Variants in PEBP4 observed in about 807,000 individuals in gnomAD.
The protein encoded by PEBP4 is phosphatidylethanolamine-binding protein 4.
A neutral mutation model predicts 23.9 loss-of-function variants in PEBP4; 22 were observed. The ratio of observed to expected loss-of-function variants is 0.92; its 90% CI spans 0.66 to 1.31. PEBP4 has a LOEUF of 1.31. Among genes scored for constraint, PEBP4 ranks in the 40% most tolerant of loss-of-function variants. The pLI, the probability that PEBP4 is intolerant of heterozygous loss-of-function variation, is 0.00. For missense variants in PEBP4, 324 were observed against 281.7 expected (o/e 1.15, Z -1.07); for synonymous variants, 112 against 99.3 (o/e 1.13, Z -0.76).
At chr8:22,917,155 A>G (rs2466213) in intron 3 of PEBP4, among the ~76,000 whole-genome samples, 1 of 149,306 alleles carries the variant, frequency 6.7e-6, no homozygotes, top group Non-Finnish European at 1.5e-5. Context: ...GGCATGTCCA[A>G]TGGCAGTCAC....
chr8:22,811,635 G>A (rs1019455581), intron 4 of PEBP4, among the ~76,000 whole-genome samples: 8 of 152,238 alleles, frequency 5.3e-5, no homozygotes, highest in Non-Finnish European at 1.2e-4. Context: ...TCACACCTGG[G>A]CTGTGGCCTG....
rs191559584 is a variant in PEBP4 at position 22,774,678 on chromosome 8, G to A, written c.357+42959C>T. The stretch of plus-strand genomic sequence containing the variant: ...TGTCAAGGTCATGACATGAGGCTTC[G>A]GGGACTCTCATTTTGGAGGTGCAGA... On this transcript the variant is annotated intron_variant, in intron 4 of 6. Coordinates refer to ENST00000256404, the MANE Select transcript of PEBP4 (RefSeq NM_144962.3). Among the ~76,000 whole-genome samples the A allele has an allele frequency of 1.8e-4, 27 of 152,268 alleles. No homozygotes were observed. In the East Asian group the frequency reaches 1.9e-3, roughly 11 times the overall value.
At chr8:22,831,750 C>T (rs1585297018) in intron 3 of PEBP4, among the ~76,000 whole-genome samples, 3 of 152,226 alleles carry the variant, frequency 2.0e-5, no homozygotes, top group Non-Finnish European at 4.4e-5. Flanking sequence ...CTGAGCTGGT[C>T]CTGAGGAGTG....
intron 4 of PEBP4, among the ~76,000 whole-genome samples, chr8:22,788,288 A>G (rs1443414836): frequency 6.6e-6 from 1 of 152,128 alleles, no homozygotes; most frequent in East Asian, 1.9e-4. Context: ...GCATGTTTCC[A>G]TCAGAAAGTG....
At chr8:22,817,027 A>G (rs1280692179) in intron 4 of PEBP4, among the ~76,000 whole-genome samples, 3 of 152,242 alleles carry the variant, frequency 2.0e-5, no homozygotes, top group Non-Finnish European at 4.4e-5. Flanking sequence ...TAATGGCACA[A>G]ACAAGCCACC....
intron 4 of PEBP4, among the ~76,000 whole-genome samples, chr8:22,734,827 G>A (rs923730865): frequency 2.6e-5 from 4 of 152,142 alleles, no homozygotes; most frequent in African/African-American, 9.7e-5. Context: ...ATCAATGTGC[G>A]GTTGTGGGAG....
intron 1 of PEBP4, among the ~76,000 whole-genome samples, chr8:22,935,149 CTT>C (rs1809516924): frequency 6.6e-6 from 1 of 152,160 alleles, no homozygotes; most frequent in Non-Finnish European, 1.5e-5. Context: ...AAATAGGTAG[CTT>C]AACAACAGTA....
At chr8:22,911,958 G>A (rs544974455) in intron 3 of PEBP4, among the ~76,000 whole-genome samples, 59 of 152,272 alleles carry the variant, frequency 3.9e-4, no homozygotes, top group African/African-American at 6.5e-4. Context: ...GGATGTCAGC[G>A]GCCCAATCGC....
At chr8:22,845,151 A>G (rs58667225) in intron 3 of PEBP4, among the ~76,000 whole-genome samples, 2,695 of 152,266 alleles carry the variant, frequency 0.018, 84 homozygotes, top group African/African-American at 0.061. Context: ...CTAGTCCTTG[A>G]AGGATGAAGG....
intron 2 of PEBP4, among the ~76,000 whole-genome samples, chr8:22,920,682 G>T (rs1229605326): frequency 6.6e-6 from 1 of 152,170 alleles, no homozygotes; most frequent in Non-Finnish European, 1.5e-5. Context: ...GTAGGATTGA[G>T]TTTATAAAAA....
rs192116073 is a variant in PEBP4, at chr8:22,905,953, G to A, written c.258+14231C>T. Among the ~76,000 whole-genome samples the A allele has an allele frequency of 1.4e-4, 22 of 152,306 alleles. No individual in the cohort carries two copies. The South Asian group carries it at 2.3e-3, about 16-fold the overall frequency. On this transcript the variant is annotated intron_variant, in intron 3 of 6. Coordinates refer to ENST00000256404, the MANE Select transcript of PEBP4 (RefSeq NM_144962.3). Reference sequence around the variant, plus strand: ...TGGCAAGTTGCTTCACTCTTAGCACGTTAGAAATCAAGGAATCCAATTCCA... The same window carrying A: ...TGGCAAGTTGCTTCACTCTTAGCACATTAGAAATCAAGGAATCCAATTCCA...
chr8:22,758,177 C>T (rs1028626350), intron 4 of PEBP4: 10 of 152,208 alleles, frequency 6.6e-5, no homozygotes, highest in Non-Finnish European at 1.2e-4. Context: ...CTCTACTAAA[C>T]GCTATTTTGA....
intron 4 of PEBP4, chr8:22,757,289 C>T (rs370208614): frequency 3.9e-5 from 6 of 152,360 alleles, no homozygotes; most frequent in Admixed American, 2.6e-4. Flanking sequence ...CACGGTGACT[C>T]GGAGGCCCAA....
chr8:22,781,334 A>T (rs1426022349), intron 4 of PEBP4, among the ~76,000 whole-genome samples: 1 of 151,888 alleles, frequency 6.6e-6, no homozygotes, highest in Admixed American at 6.6e-5. Flanking sequence ...CTCCCGAGGC[A>T]GCAGGCACCG....
intron 4 of PEBP4, among the ~76,000 whole-genome samples, chr8:22,778,006 C>T (rs1805848505): frequency 6.6e-6 from 1 of 152,166 alleles, no homozygotes; most frequent in Admixed American, 6.5e-5. Context: ...GAGGGGGAAA[C>T]AGAGTCCCAC....
chr8:22,722,823 A>G (rs1161926820), intron 6 of PEBP4, among the ~76,000 whole-genome samples: 1 of 150,232 alleles, frequency 6.7e-6, no homozygotes, highest in Non-Finnish European at 1.5e-5. Context: ...CCCAGGCTGG[A>G]GTGTAGTGGC....
intron 3 of PEBP4, among the ~76,000 whole-genome samples, chr8:22,832,041 G>A (rs1007163497): frequency 9.2e-5 from 14 of 152,140 alleles, no homozygotes; most frequent in African/African-American, 3.4e-4. Flanking sequence ...GATGTGGTGG[G>A]GGTGGATAAG....
Position 22,727,239 on chromosome 8 carries a change from A to T in PEBP4, c.358-19T>A. 6.2e-7 allele frequency: 1 copy of T among 1,612,606 alleles called. No individual in the cohort carries two copies. The highest frequency in any genetic ancestry group is 8.5e-7 in the Non-Finnish European group (1 of 1,179,538). On this transcript the variant is annotated intron_variant, in intron 4 of 6. Transcript: ENST00000256404. ...CGGCGCCCTGAAAGAAGAGACAAGCAGGGCTGTAGGTTATGTCTTGGGCAC... is the reference window on the plus strand; with the variant it reads ...CGGCGCCCTGAAAGAAGAGACAAGCTGGGCTGTAGGTTATGTCTTGGGCAC...
chr8:22,891,591 T>G (rs1252841266), intron 3 of PEBP4, among the ~76,000 whole-genome samples: 1 of 152,194 alleles, frequency 6.6e-6, no homozygotes, highest in Non-Finnish European at 1.5e-5. Context: ...AAATTCAGGG[T>G]CCTGTGGGCA....
Sources: allele counts gnomAD v4.1 joint callset (sites outside exome capture counted in the v4.1 genomes callset), GRCh38; gene constraint gnomAD v4.1.1; transcripts MANE v1.5; gene names NCBI Gene and HGNC (gene_info 2026-07-23, HGNC 2026-07-21).